Variants in SPATA45 observed in about 807,000 individuals in gnomAD.
SPATA45 encodes the protein spermatogenesis-associated protein 45.
A neutral mutation model predicts 7.0 loss-of-function variants in SPATA45; 5 were observed. The observed-to-expected ratio is 0.71, with a 90% CI of 0.37 to 1.50. The LOEUF (loss-of-function observed/expected upper bound fraction) is 1.50. SPATA45 is among the 40% of genes most tolerant of loss of function. The pLI, the probability that SPATA45 is intolerant of heterozygous loss-of-function variation, is 0.03. For missense variants in SPATA45, 111 were observed against 114.9 expected (o/e 0.97, Z 0.16); for synonymous variants, 40 against 38.7 (o/e 1.03, Z -0.13).
At chr1:212,845,308 T>C (rs2102515335) in intron 1 of SPATA45, among the ~76,000 whole-genome samples, 1 of 152,306 alleles carries the variant, frequency 6.6e-6, no homozygotes, top group Non-Finnish European at 1.5e-5. Flanking sequence ...GATTTGCCCC[T>C]GCCCAGGACT....
At chr1:212,843,756 C>T (rs1365397576) in intron 1 of SPATA45, among the ~76,000 whole-genome samples, 9 of 152,166 alleles carry the variant, frequency 5.9e-5, no homozygotes. Flanking sequence ...TCCAATTTTA[C>T]AATCTCTTAA....
At chr1:212,846,910 C>A (rs185564397) in intron 1 of SPATA45, among the ~76,000 whole-genome samples, 3 of 152,226 alleles carry the variant, frequency 2.0e-5, no homozygotes, top group Admixed American at 2.0e-4. Context: ...CTTTCTGAGA[C>A]AAGGTCTCAC....
chr1:212,846,250 C>T (rs1663791579), intron 1 of SPATA45, among the ~76,000 whole-genome samples: 1 of 74,998 alleles, frequency 1.3e-5, no homozygotes, highest in East Asian at 2.8e-4. Flanking sequence ...CCCATGCTGC[C>T]CCAATCCTGC....
rs1167581397 is a variant in SPATA45, at chr1:212,833,524, A to T, written c.277+2349T>A. Reference sequence around the variant, plus strand: ...AATACAAAAAAAAAAAAAAAAAAAAATTAGCCAGGCGTGGTGGCAGGCAAT... The same window carrying T: ...AATACAAAAAAAAAAAAAAAAAAAATTTAGCCAGGCGTGGTGGCAGGCAAT... On this transcript the variant is annotated intron_variant, in intron 2 of 2. Transcript: ENST00000332912. Among the ~76,000 whole-genome samples, 6 of 144,140 alleles carry T rather than the reference A, an allele frequency of 4.2e-5. No individual in the cohort carries two copies. In the Admixed American group the frequency reaches 4.4e-4, roughly 11 times the overall value. The allele number at this position is 144,140 out of a possible 152,430, so 94.6% of individuals were successfully genotyped here.
At chr1:212,841,087 T>TGTGCCACCA (rs1262321289) in intron 1 of SPATA45, among the ~76,000 whole-genome samples, 1 of 152,182 alleles carries the variant, frequency 6.6e-6, no homozygotes, top group Non-Finnish European at 1.5e-5. Context: ...ATTACAGGCA[T>TGTGCCACCA]GTGCCACCAC....
intron 1 of SPATA45, among the ~76,000 whole-genome samples, chr1:212,840,972 C>A (rs1488421065): frequency 6.6e-6 from 1 of 151,958 alleles, no homozygotes; most frequent in African/African-American, 2.4e-5. Flanking sequence ...GGCGGAGTCT[C>A]TCTCTGTCTC....
At chr1:212,841,119 CTT>C (rs1311603233) in intron 1 of SPATA45, among the ~76,000 whole-genome samples, 1 of 151,946 alleles carries the variant, frequency 6.6e-6, no homozygotes, top group East Asian at 1.9e-4. Context: ...GTTTGTAAGT[CTT>C]TTTAAATTCT....
At chr1:212,834,363 A>C (rs1243683727) in intron 2 of SPATA45, among the ~76,000 whole-genome samples, 1 of 151,526 alleles carries the variant, frequency 6.6e-6, no homozygotes, top group African/African-American at 2.4e-5. Flanking sequence ...TTCACAATGA[A>C]GGTATTTATC....
At chr1:212,843,765 A>G (rs1367789492) in intron 1 of SPATA45, among the ~76,000 whole-genome samples, 1 of 152,200 alleles carries the variant, frequency 6.6e-6, no homozygotes, top group Non-Finnish European at 1.5e-5. Context: ...ACAATCTCTT[A>G]AATGGAGATA....
At chr1:212,847,495 T>C (rs1418940832) in intron 1 of SPATA45, 85 bp downstream of exon 1, 1 of 152,216 alleles carries the variant, frequency 6.6e-6, no homozygotes, top group Non-Finnish European at 1.5e-5. Flanking sequence ...GTGGCAACTT[T>C]ATAGAACATA....
At chr1:212,837,136 A>G (rs1387018053) in intron 1 of SPATA45, among the ~76,000 whole-genome samples, 2 of 151,366 alleles carry the variant, frequency 1.3e-5, no homozygotes, top group Admixed American at 6.6e-5. Context: ...AAAATAATAC[A>G]TGTTTATTAC....
chr1:212,836,723 A>G (rs1571990851), intron 1 of SPATA45, among the ~76,000 whole-genome samples: 1 of 150,236 alleles, frequency 6.7e-6, no homozygotes, highest in Non-Finnish European at 1.5e-5. Context: ...ATCTCAGCTC[A>G]CTGCAACCTC....
At chr1:212,844,921 C>T (rs10864006) in intron 1 of SPATA45, among the ~76,000 whole-genome samples, 66,851 of 151,994 alleles carry the variant, frequency 0.44, 15,712 homozygotes, top group East Asian at 0.53. Flanking sequence ...AATGCTTATG[C>T]TGATAAGGTA....
chr1:212,840,161 C>T (rs1663653947), intron 1 of SPATA45, among the ~76,000 whole-genome samples: 1 of 151,256 alleles, frequency 6.6e-6, no homozygotes, highest in African/African-American at 2.4e-5. Flanking sequence ...TGCCTGTAAT[C>T]CCTGCACTTT....
At chr1:212,843,237 C>T (rs1663724918) in intron 1 of SPATA45, among the ~76,000 whole-genome samples, 1 of 151,606 alleles carries the variant, frequency 6.6e-6, no homozygotes, top group Admixed American at 6.6e-5. Flanking sequence ...TTGCGGTGAG[C>T]CAAGACCGCA....
At chr1:212,838,020 G>A (rs1047904297) in intron 1 of SPATA45, among the ~76,000 whole-genome samples, 2 of 151,630 alleles carry the variant, frequency 1.3e-5, no homozygotes, top group African/African-American at 4.8e-5. Context: ...AAGAAATGGG[G>A]CTGGGCGTGA....
intron 1 of SPATA45, among the ~76,000 whole-genome samples, chr1:212,837,693 T>C (rs951835307): frequency 5.9e-5 from 9 of 151,662 alleles, no homozygotes; most frequent in Non-Finnish European, 4.4e-5. Context: ...TCCCAACACT[T>C]TGGAAGGCCT....
chr1:212,843,443 A>C (rs1011051312), intron 1 of SPATA45, among the ~76,000 whole-genome samples: 1 of 152,234 alleles, frequency 6.6e-6, no homozygotes, highest in Admixed American at 6.5e-5. Flanking sequence ...AGGCACTTTA[A>C]AAAAAGTTTT....
chr1:212,832,412 T>A (rs1345191798), intron 2 of SPATA45, among the ~76,000 whole-genome samples: 1 of 143,620 alleles, frequency 7.0e-6, no homozygotes, highest in African/African-American at 2.6e-5. Context: ...TCTCTCTATG[T>A]TGCCCAGGCT....
Sources: allele counts gnomAD v4.1 joint callset (sites outside exome capture counted in the v4.1 genomes callset), GRCh38; gene constraint gnomAD v4.1.1; transcripts MANE v1.5; gene names NCBI Gene and HGNC (gene_info 2026-07-23, HGNC 2026-07-21).